The following LAMA2 variants were observed in gnomAD, a reference collection of about 807,000 sequenced individuals.
LAMA2 encodes the protein laminin subunit alpha 2.
A neutral mutation model predicts 364.8 loss-of-function variants in LAMA2; 269 were observed. That is an observed-to-expected ratio of 0.74 (90% CI 0.67 to 0.82). The LOEUF (loss-of-function observed/expected upper bound fraction) is 0.82. LAMA2 is among the 40% of genes least tolerant of loss of function. The pLI is 0.00. For missense variants in LAMA2, 3,807 were observed against 3,873.2 expected (o/e 0.98, Z 0.45); for synonymous variants, 1,379 against 1,370.6 (o/e 1.01, Z -0.14).
chr6:128,924,162 G>GC (rs1337152104), intron 1 of LAMA2, among the ~76,000 whole-genome samples: 2 of 151,934 alleles, frequency 1.3e-5, no homozygotes, highest in African/African-American at 4.8e-5. Flanking sequence ...CCCTTAATTT[G>GC]ATATTTTATC....
At chr6:129,190,926 T>A (rs1781485602) in intron 11 of LAMA2, among the ~76,000 whole-genome samples, 1 of 152,210 alleles carries the variant, frequency 6.6e-6, no homozygotes. Flanking sequence ...CCTTTCTAAC[T>A]TCACTGCCTA....
intron 4 of LAMA2, among the ~76,000 whole-genome samples, chr6:129,138,270 GA>G (rs1193253558): frequency 6.6e-6 from 1 of 152,066 alleles, no homozygotes; most frequent in East Asian, 1.9e-4. Context: ...TAAGACTTCA[GA>G]GTACCTAATT....
intron 2 of LAMA2, among the ~76,000 whole-genome samples, chr6:129,056,722 T>C (rs932707610): frequency 2.0e-5 from 3 of 152,118 alleles, no homozygotes; most frequent in African/African-American, 7.2e-5. Context: ...ATGCCAAATT[T>C]AGTGAATATT....
At chr6:129,449,317 A>T (rs1341537441) in intron 45 of LAMA2, among the ~76,000 whole-genome samples, 1 of 152,222 alleles carries the variant, frequency 6.6e-6, no homozygotes. Context: ...GAAGTCCAAG[A>T]TCAAGATGCT....
At chr6:128,953,697 G>A (rs1430970020) in intron 1 of LAMA2, among the ~76,000 whole-genome samples, 2 of 151,544 alleles carry the variant, frequency 1.3e-5, no homozygotes, top group Non-Finnish European at 2.9e-5. Context: ...AATGACGTTA[G>A]CTTATCAATA....
At chr6:129,026,033 T>A (rs1358362915) in intron 1 of LAMA2, among the ~76,000 whole-genome samples, 1 of 152,140 alleles carries the variant, frequency 6.6e-6, no homozygotes, top group Non-Finnish European at 1.5e-5. Flanking sequence ...CAACTGGAAT[T>A]TGTGTTTTAG....
At chr6:129,196,900 G>A (rs1445234305) in intron 12 of LAMA2, among the ~76,000 whole-genome samples, 3 of 152,004 alleles carry the variant, frequency 2.0e-5, no homozygotes, top group African/African-American at 4.8e-5. Flanking sequence ...CTGACTGAAC[G>A]GACCCCCTTC....
At chr6:128,900,761 T>C (rs35685785) in intron 1 of LAMA2, among the ~76,000 whole-genome samples, 19,919 of 152,224 alleles carry the variant, frequency 0.13, 1,671 homozygotes, top group African/African-American at 0.24. Flanking sequence ...ATCACTTGGA[T>C]AAGATTGCCT....
intron 1 of LAMA2, among the ~76,000 whole-genome samples, chr6:128,886,598 A>G (rs1776160904): frequency 6.6e-6 from 1 of 152,206 alleles, no homozygotes; most frequent in African/African-American, 2.4e-5. Flanking sequence ...TGTCCCAAGT[A>G]AAATCTTTCC....
chr6:129,410,799 A>T (rs190570635), intron 40 of LAMA2, among the ~76,000 whole-genome samples: 29 of 152,286 alleles, frequency 1.9e-4, no homozygotes, highest in Admixed American at 1.4e-3. Context: ...ATTTATTATG[A>T]AGAATTGGCT....
rs760309960 is a variant in LAMA2, at chr6:129,190,197, A to T, written c.1468-8A>T. 14 of 1,613,030 alleles carry T rather than the reference A, an allele frequency of 8.7e-6. No homozygotes were observed. In the African/African-American group the frequency reaches 1.9e-4, roughly 22 times the overall value. ...ACCTCTGTTGCTGATACATCTCTTT[A>T]TTTGCAGGAAAATGTTGAAGGAGGA... On this transcript the variant is annotated splice_region_variant and splice_polypyrimidine_tract_variant and intron_variant, in intron 10 of 64. Coordinates refer to ENST00000421865, the MANE Select transcript of LAMA2 (RefSeq NM_000426.4).
At chr6:129,388,691 G>C (rs539418219) in intron 35 of LAMA2, among the ~76,000 whole-genome samples, 1 of 151,680 alleles carries the variant, frequency 6.6e-6, no homozygotes, top group Admixed American at 6.6e-5. Context: ...ACACACACAC[G>C]CGCGCACACA....
intron 8 of LAMA2, among the ~76,000 whole-genome samples, chr6:129,164,053 CTG>C (rs1779595384): frequency 6.6e-6 from 1 of 152,076 alleles, no homozygotes; most frequent in African/African-American, 2.4e-5. Flanking sequence ...CAACATTTTC[CTG>C]TTTCTTTCCT....
chr6:129,370,027 T>A (rs775619694), intron 34 of LAMA2, 37 bp downstream of exon 34: 14 of 1,536,632 alleles, frequency 9.1e-6, no homozygotes, highest in Non-Finnish European at 9.0e-6. Flanking sequence ...TGAAAGCAGA[T>A]AGATTATGTC....
intron 12 of LAMA2, among the ~76,000 whole-genome samples, chr6:129,231,067 A>G (rs942344131): frequency 6.6e-6 from 1 of 152,142 alleles, no homozygotes; most frequent in South Asian, 2.1e-4. Flanking sequence ...AAGGAACAGT[A>G]TATAATCCTT....
At chr6:129,105,097 A>G (rs961594889) in intron 4 of LAMA2, among the ~76,000 whole-genome samples, 1 of 152,180 alleles carries the variant, frequency 6.6e-6, no homozygotes, top group Non-Finnish European at 1.5e-5. Context: ...ATGCCAAGAG[A>G]AGGCTCAGCA....
At chr6:129,050,419 T>C (rs1019697365) in intron 2 of LAMA2, among the ~76,000 whole-genome samples, 1 of 152,180 alleles carries the variant, frequency 6.6e-6, no homozygotes, top group African/African-American at 2.4e-5. Context: ...ATGTGCCAGA[T>C]ATTGTGCCTG....
chr6:129,490,315 G>A (rs1784797026), intron 56 of LAMA2, among the ~76,000 whole-genome samples: 1 of 152,176 alleles, frequency 6.6e-6, no homozygotes, highest in South Asian at 2.1e-4. Context: ...AGGTCACACA[G>A]CTAGTAAGCT....
Position 129,247,924 on chromosome 6 carries a change from C to T in LAMA2, c.1783-2188C>T, listed in dbSNP as rs1785879680. Among the ~76,000 whole-genome samples the T allele has an allele frequency of 2.0e-5, 3 of 152,126 alleles. No homozygotes were observed. In the South Asian group the frequency reaches 6.2e-4, roughly 32 times the overall value. ...TTTTTCTGCGTATTTATTTGTTCCT[C>T]TTTTCCCCCTTCCCACCTCTAATTC... On this transcript the variant is annotated intron_variant, in intron 12 of 64. Coordinates refer to ENST00000421865, the MANE Select transcript of LAMA2 (RefSeq NM_000426.4).
Sources: allele counts gnomAD v4.1 joint callset (sites outside exome capture counted in the v4.1 genomes callset), GRCh38; gene constraint gnomAD v4.1.1; transcripts MANE v1.5; gene names NCBI Gene and HGNC (gene_info 2026-07-23, HGNC 2026-07-21).